The following SRC variants were observed in gnomAD, a reference collection of about 807,000 sequenced individuals.
SRC encodes proto-oncogene tyrosine-protein kinase Src.
In SRC, 13 loss-of-function variants were observed where a neutral mutation model predicts 62.9. The ratio of observed to expected loss-of-function variants is 0.21; its 90% CI spans 0.13 to 0.33. SRC has a LOEUF of 0.33. Ranked by LOEUF, SRC falls within the 10% of genes least tolerant of loss-of-function variation. The pLI is 1.00. For synonymous variants in SRC, 302 were observed against 317.5 expected (o/e 0.95, Z 0.52); for missense variants, 457 against 737.3 (o/e 0.62, Z 4.40).
Position 37,397,936 on chromosome 20 carries a change from C to T in SRC, c.859+82C>T. ...CTCCGGGCTCCCTTGGTCCCTTTGC[C>T]TTTAGCTGCCTCTGCTGGATGACGG... On this transcript the variant is annotated intron_variant, in intron 9 of 13. Coordinates refer to ENST00000373578, the MANE Select transcript of SRC (RefSeq NM_198291.3). This position sits in a 1 kb window ranked among gnomAD's most constrained non-coding sequence, Gnocchi z 4.1. 6.9e-6 allele frequency: 10 copies of T among 1,452,906 alleles called. No individual in the cohort carries two copies. Among genetic ancestry groups the T allele is most frequent in the Non-Finnish European group, 8.2e-6 (9 of 1,092,808 alleles). The allele number at this position is 1,452,906 out of a possible 1,614,324, so 90.0% of individuals were successfully genotyped here. A position where few individuals can be genotyped will look rare whatever the true frequency, so the allele number is the denominator to read the frequency against.
chr20:37,357,028 G>A (rs965729730), intron 1 of SRC, among the ~76,000 whole-genome samples: 1 of 152,216 alleles, frequency 6.6e-6, no homozygotes. Context: ...CGCCTCGTGG[G>A]TCTGTGTCTA....
chr20:37,378,675 A>G (rs2070313902), intron 2 of SRC, among the ~76,000 whole-genome samples: 1 of 152,134 alleles, frequency 6.6e-6, no homozygotes, highest in African/African-American at 2.4e-5. Context: ...TCTGAGGAAC[A>G]CGTAGGTTGT....
intron 1 of SRC, among the ~76,000 whole-genome samples, chr20:37,354,685 C>T (rs1417026705): frequency 6.6e-6 from 1 of 152,202 alleles, no homozygotes; most frequent in African/African-American, 2.4e-5. Context: ...TGTGCCAAGT[C>T]CTCAAGGCTG....
intron 1 of SRC, among the ~76,000 whole-genome samples, chr20:37,361,001 G>A (rs1568621223): frequency 6.6e-6 from 1 of 152,130 alleles, no homozygotes; most frequent in African/African-American, 2.4e-5. Context: ...GGCTACATTA[G>A]CCCAGAAAAG....
intron 5 of SRC, among the ~76,000 whole-genome samples, chr20:37,389,548 T>A (rs1477336391): frequency 6.6e-6 from 1 of 152,168 alleles, no homozygotes; most frequent in Non-Finnish European, 1.5e-5. Flanking sequence ...GCAATTGACC[T>A]CCTGGCCACT....
chr20:37,399,563 T>A (rs1051396995), intron 9 of SRC, among the ~76,000 whole-genome samples: 5 of 151,488 alleles, frequency 3.3e-5, no homozygotes, highest in Non-Finnish European at 5.9e-5. Context: ...TTTTTTTTTT[T>A]AGACAGGATC....
chr20:37,364,378 C>T (rs907544800), intron 1 of SRC, among the ~76,000 whole-genome samples: 3 of 152,126 alleles, frequency 2.0e-5, no homozygotes, highest in Non-Finnish European at 4.4e-5. Flanking sequence ...GCATGGTGCC[C>T]GCCACCCAGG....
chr20:37,386,221 T>C, intron 5 of SRC, 47 bp downstream of exon 5: 1 of 1,561,866 alleles, frequency 6.4e-7, no homozygotes, highest in Non-Finnish European at 8.8e-7. Flanking sequence ...GTGGTGGGAC[T>C]TCAAAGCGGG....
chr20:37,345,310 T>G (rs113527744), upstream of SRC, among the ~76,000 whole-genome samples: 8 of 152,196 alleles, frequency 5.3e-5, 2 homozygotes, highest in African/African-American at 1.9e-4. Context: ...GGAGTCTTTG[T>G]GGCCTAAAGC....
In SRC at chr20:37,393,875, C is replaced by A; in HGVS notation, c.351-20C>A. On this transcript the variant is annotated intron_variant, in intron 5 of 13. Transcript: ENST00000373578. ...TGACGGCTCCCTTCTCCTTTCCTCC[C>A]TCCTTCTGTCCCTGCTCAGAGAGGG... 1 of 1,596,548 alleles carries A rather than the reference C, an allele frequency of 6.3e-7. No homozygotes were observed. Among genetic ancestry groups the A allele is most frequent in the Non-Finnish European group, 8.6e-7 (1 of 1,164,592 alleles).
chr20:37,377,207 A>G (rs545727635), intron 2 of SRC, among the ~76,000 whole-genome samples: 3 of 152,272 alleles, frequency 2.0e-5, no homozygotes, highest in East Asian at 3.9e-4. Flanking sequence ...ACAGTAAACA[A>G]CATTGTGTGC....
At chr20:37,390,097 T>C (rs1470479068) in intron 5 of SRC, among the ~76,000 whole-genome samples, 5 of 152,184 alleles carry the variant, frequency 3.3e-5, no homozygotes, top group African/African-American at 1.2e-4. Context: ...ATCACAGTCG[T>C]CATCTCAGTT....
intron 2 of SRC, among the ~76,000 whole-genome samples, chr20:37,369,452 A>T (rs746133907): frequency 6.6e-6 from 1 of 152,176 alleles, no homozygotes; most frequent in African/African-American, 2.4e-5. Context: ...TTGCCAACCT[A>T]TAGAAATACA....
chr20:37,386,523 G>T (rs186384945), intron 5 of SRC: 2 of 708,550 alleles, frequency 2.8e-6, no homozygotes, highest in African/African-American at 3.5e-5. Context: ...GGTGCTTCGC[G>T]GGGGGTGGGG....
In SRC at chr20:37,401,550, A is replaced by G. The variant is rs184255832; in HGVS notation, c.1040-52A>G. The G allele has an allele frequency of 6.8e-6, 10 of 1,463,064 alleles. No homozygotes were observed. In the Middle Eastern group the frequency reaches 6.9e-4, roughly 102 times the overall value. The allele number at this position is 1,463,064 out of a possible 1,614,324, so 90.6% of individuals were successfully genotyped here. On this transcript the variant is annotated intron_variant, in intron 10 of 13. Coordinates refer to ENST00000373578, the MANE Select transcript of SRC (RefSeq NM_198291.3). ...GAGGATGGGTTTTGGGAATCACTGC[A>G]TCCTGGCAGAGGGACAGGGCAGGAG...
chr20:37,374,897 C>G (rs1293050164), intron 2 of SRC, among the ~76,000 whole-genome samples: 1 of 150,784 alleles, frequency 6.6e-6, no homozygotes, highest in Non-Finnish European at 1.5e-5. Flanking sequence ...CTTACCTTCT[C>G]TTTTCTAATT....
At chr20:37,376,312 A>G (rs1184487990) in intron 2 of SRC, among the ~76,000 whole-genome samples, 1 of 152,230 alleles carries the variant, frequency 6.6e-6, no homozygotes, top group Non-Finnish European at 1.5e-5. Context: ...CAGAAATCAT[A>G]ATAATAGCCA....
chr20:37,372,977 T>G (rs926338062), intron 2 of SRC, among the ~76,000 whole-genome samples: 38 of 152,112 alleles, frequency 2.5e-4, no homozygotes, highest in Admixed American at 4.6e-4. Flanking sequence ...CTTTCCCCAT[T>G]CAGAGATATG....
At chr20:37,346,419 C>G (rs1287341944) in intron 1 of SRC, among the ~76,000 whole-genome samples, 164 bp downstream of exon 1, 1 of 144,704 alleles carries the variant, frequency 6.9e-6, no homozygotes, top group East Asian at 2.3e-4. Flanking sequence ...AAGCGCCGGG[C>G]GGGCGCACGG....
Sources: allele counts gnomAD v4.1 joint callset (sites outside exome capture counted in the v4.1 genomes callset), GRCh38; gene constraint gnomAD v4.1.1; non-coding constraint Gnocchi (gnomAD v3.1); transcripts MANE v1.5; gene names NCBI Gene and HGNC (gene_info 2026-07-23, HGNC 2026-07-21).